The following PREX1 variants were observed in gnomAD, a reference collection of about 807,000 sequenced individuals.
PREX1 encodes phosphatidylinositol-3,4,5-trisphosphate dependent Rac exchange factor 1, also known as phosphatidylinositol 3,4,5-trisphosphate-dependent Rac exchanger 1 protein.
Under a neutral mutation model 198.3 loss-of-function variants are expected in PREX1, and 41 were observed. The ratio of observed to expected loss-of-function variants is 0.21; its 90% confidence interval spans 0.16 to 0.27. PREX1 has a LOEUF of 0.27. Among genes scored for constraint, PREX1 ranks in the 10% least tolerant of loss-of-function variants. The pLI, the probability that PREX1 is intolerant of heterozygous loss-of-function variation, is 1.00. For missense variants in PREX1, 1,620 were observed against 2,200.7 expected (o/e 0.74, Z 5.28); for synonymous variants, 843 against 887.2 (o/e 0.95, Z 0.89).
intron 1 of PREX1, among the ~76,000 whole-genome samples, chr20:48,806,491 A>G (rs2090412375): frequency 6.6e-6 from 1 of 152,214 alleles, no homozygotes; most frequent in African/African-American, 2.4e-5. Context: ...ATAATTAAGC[A>G]TTTATTATGT....
At chr20:48,846,658 T>A in the PREX1 span, among the ~76,000 whole-genome samples, 13 of 151,976 alleles carry the variant, frequency 8.6e-5, no homozygotes, top group Non-Finnish European at 1.8e-4. Flanking sequence ...CAGCAAAACT[T>A]CTATTGTGTT....
chr20:48,862,812 T>TATATAC, the PREX1 span, among the ~76,000 whole-genome samples: 12 of 131,664 alleles, frequency 9.1e-5, no homozygotes, highest in Non-Finnish European at 1.3e-4. Flanking sequence ...TATATATATA[T>TATATAC]ACTAATAAAC....
intron 1 of PREX1, among the ~76,000 whole-genome samples, chr20:48,777,867 T>G (rs988222634): frequency 1.3e-5 from 2 of 152,094 alleles, no homozygotes; most frequent in Non-Finnish European, 2.9e-5. Flanking sequence ...AGCAGCAGCA[T>G]CATTATCGGG....
At chr20:48,778,601 A>AT (rs2090274454) in intron 1 of PREX1, among the ~76,000 whole-genome samples, 1 of 151,974 alleles carries the variant, frequency 6.6e-6, no homozygotes. Flanking sequence ...AAAAAAAAAA[A>AT]GGAACTATTA....
At chr20:48,804,699 C>G (rs924128742) in intron 1 of PREX1, among the ~76,000 whole-genome samples, 3 of 152,120 alleles carry the variant, frequency 2.0e-5, no homozygotes, top group African/African-American at 4.8e-5. Flanking sequence ...TGCAAGAGTC[C>G]CAGCAGGAGA....
chr20:48,862,132 C>T, the PREX1 span, among the ~76,000 whole-genome samples: 1 of 152,130 alleles, frequency 6.6e-6, no homozygotes, highest in Non-Finnish European at 1.5e-5. Context: ...ATTGCTTGAA[C>T]CCAGGAGGCG....
At chr20:48,741,168 G>A (rs975504150) in intron 3 of PREX1, among the ~76,000 whole-genome samples, 1 of 152,080 alleles carries the variant, frequency 6.6e-6, no homozygotes, top group African/African-American at 2.4e-5. Context: ...AGAATACTCA[G>A]ATATAGCAAA....
chr20:48,723,484 G>A (rs1355602132), intron 5 of PREX1, among the ~76,000 whole-genome samples: 1 of 152,172 alleles, frequency 6.6e-6, no homozygotes, highest in Non-Finnish European at 1.5e-5. Flanking sequence ...GTCAGGCGGG[G>A]AGCAAGGCAT....
intron 5 of PREX1, among the ~76,000 whole-genome samples, chr20:48,712,680 T>C (rs1460050840): frequency 3.9e-5 from 6 of 152,224 alleles, no homozygotes; most frequent in South Asian, 2.1e-4. Context: ...GCCAGGCCCA[T>C]AGCTGGACCA....
chr20:48,642,373 C>A (rs771207425), intron 28 of PREX1, 34 bp downstream of exon 28: 9 of 1,607,982 alleles, frequency 5.6e-6, no homozygotes, highest in Non-Finnish European at 7.7e-6. Context: ...AGGAGGAACC[C>A]AAAGTTGCGC....
intron 14 of PREX1, among the ~76,000 whole-genome samples, chr20:48,668,307 T>C (rs536311848): frequency 6.6e-6 from 1 of 152,192 alleles, no homozygotes; most frequent in African/African-American, 2.4e-5. Context: ...GTCAGGCCCG[T>C]GGGGGCCAGG....
intron 1 of PREX1, among the ~76,000 whole-genome samples, chr20:48,777,382 G>A (rs761723987): frequency 5.9e-5 from 9 of 152,090 alleles, no homozygotes; most frequent in East Asian, 5.8e-4. Flanking sequence ...GACAGTGAAC[G>A]GAAGGCTGTT....
chr20:48,646,633 GAGCCAAGA>G (rs1568799977), intron 25 of PREX1, among the ~76,000 whole-genome samples: 7 of 146,290 alleles, frequency 4.8e-5, no homozygotes, highest in African/African-American at 1.8e-4. Flanking sequence ...AGGTTGAAGT[GAGCCAAGA>G]TCGCACCACT....
intron 1 of PREX1, among the ~76,000 whole-genome samples, chr20:48,805,447 G>A (rs1238875426): frequency 6.6e-6 from 1 of 152,244 alleles, no homozygotes; most frequent in Non-Finnish European, 1.5e-5. Context: ...AGCAGAAACA[G>A]AGAGACCCCC....
chr20:48,805,412 T>C (rs541578428), intron 1 of PREX1, among the ~76,000 whole-genome samples: 1 of 152,326 alleles, frequency 6.6e-6, no homozygotes, highest in South Asian at 2.1e-4. Flanking sequence ...CACCACGTGC[T>C]CTCTGCCAAG....
chr20:48,846,755 G>A, the PREX1 span, among the ~76,000 whole-genome samples: 1,051 of 152,308 alleles, frequency 6.9e-3, 5 homozygotes, highest in African/African-American at 0.024. Flanking sequence ...CATGGATGGG[G>A]TGCCTGGGAG....
At chr20:48,762,409 C>T (rs1317228434) in intron 1 of PREX1, among the ~76,000 whole-genome samples, 1 of 152,176 alleles carries the variant, frequency 6.6e-6, no homozygotes, top group African/African-American at 2.4e-5. Context: ...CTTCCCTGCC[C>T]TCTACCCTCT....
chr20:48,775,828 G>A (rs2090258640), intron 1 of PREX1, among the ~76,000 whole-genome samples: 1 of 152,260 alleles, frequency 6.6e-6, no homozygotes. Context: ...CAGGTGTGTG[G>A]AACTGTAAGT....
At chr20:48,706,962 C>T (rs1387132733) in intron 6 of PREX1, among the ~76,000 whole-genome samples, 4 of 152,194 alleles carry the variant, frequency 2.6e-5, no homozygotes, top group African/African-American at 9.7e-5. Context: ...CCTGTCCAAG[C>T]TCAGGCTCCA....
Sources: allele counts gnomAD v4.1 joint callset (sites outside exome capture counted in the v4.1 genomes callset), GRCh38; gene constraint gnomAD v4.1.1; transcripts MANE v1.5; gene names NCBI Gene and HGNC (gene_info 2026-07-23, HGNC 2026-07-21).